The following PTPN12 variants were observed in gnomAD, a reference collection of about 807,000 sequenced individuals.
PTPN12 encodes tyrosine-protein phosphatase non-receptor type 12.
PTPN12 carries 29 observed loss-of-function variants against 97.6 expected under a neutral mutation model. The observed-to-expected ratio is 0.30, with a 90% confidence interval of 0.22 to 0.41. The LOEUF is 0.41. Among genes scored for constraint, PTPN12 ranks in the 10% least tolerant of loss-of-function variants. The pLI is 1.00. For synonymous variants in PTPN12, 327 were observed against 300.4 expected (o/e 1.09, Z -0.91); for missense variants, 819 against 926.0 (o/e 0.88, Z 1.50).
At position 77,598,502 on chromosome 7, in the gene PTPN12, C is replaced by T. The variant is rs191065139; in HGVS notation, c.552+601C>T. ...TTCAAGACCAGCCTGGCCAACACGG[C>T]GAAGCCCCATCTCTACTAAAAAATA... On this transcript the variant is annotated intron_variant, in intron 7 of 17. Transcript: ENST00000248594. 6.2e-3 allele frequency among the ~76,000 whole-genome samples: 938 copies of T among 152,006 alleles called. 5 individuals are homozygous for T. The highest frequency in any genetic ancestry group is 0.037 in the Middle Eastern group (11 of 294).
intron 4 of PTPN12, 63 bp from the exon 5 acceptor site, chr7:77,585,480 T>G: frequency 1.4e-6 from 2 of 1,441,948 alleles, no homozygotes; most frequent in South Asian, 1.2e-5. Context: ...TGTATTTTAT[T>G]AAAAAGTAAA....
At chr7:77,632,474 C>G in intron 14 of PTPN12, 49 bp downstream of exon 14, 1 of 1,364,736 alleles carries the variant, frequency 7.3e-7, no homozygotes, top group Non-Finnish European at 1.0e-6. Flanking sequence ...TAATAATAAA[C>G]TCCGAAAAAC....
At chr7:77,545,791 T>A (rs1273032465) in intron 1 of PTPN12, 1 of 152,170 alleles carries the variant, frequency 6.6e-6, no homozygotes, top group African/African-American at 2.4e-5. Flanking sequence ...TAAACTTCTA[T>A]ACTCTGGTAT....
At chr7:77,544,292 A>T (rs1807121297) in intron 1 of PTPN12, among the ~76,000 whole-genome samples, 1 of 152,120 alleles carries the variant, frequency 6.6e-6, no homozygotes, top group South Asian at 2.1e-4. Flanking sequence ...GATAGGAAAT[A>T]TTTTCCAGTC....
intron 14 of PTPN12, among the ~76,000 whole-genome samples, chr7:77,635,365 G>A (rs1001096886): frequency 2.6e-5 from 4 of 152,266 alleles, no homozygotes; most frequent in African/African-American, 9.6e-5. Flanking sequence ...GGAGGTTGAG[G>A]CTCCAGTGAG....
intron 11 of PTPN12, among the ~76,000 whole-genome samples, chr7:77,613,167 G>GTTTTTTT (rs576216122): frequency 2.4e-4 from 21 of 88,564 alleles, no homozygotes; most frequent in African/African-American, 3.0e-4. Flanking sequence ...TAATTTTTGG[G>GTTTTTTT]TTTTTTTTTT....
intron 1 of PTPN12, among the ~76,000 whole-genome samples, chr7:77,559,695 A>G (rs1037820606): frequency 6.6e-6 from 1 of 152,242 alleles, no homozygotes; most frequent in Non-Finnish European, 1.5e-5. Context: ...ACATAAACTT[A>G]CTGAACTAAA....
intron 11 of PTPN12, among the ~76,000 whole-genome samples, chr7:77,616,814 G>A (rs755531719): frequency 2.6e-5 from 4 of 151,794 alleles, no homozygotes; most frequent in Non-Finnish European, 1.5e-5. Flanking sequence ...ACGGAGTCTT[G>A]CTCTGTCGCC....
intron 4 of PTPN12, chr7:77,585,312 A>T (rs961811576): frequency 4.9e-5 from 19 of 385,558 alleles, no homozygotes; most frequent in African/African-American, 3.5e-4. Flanking sequence ...TCAAACCAAA[A>T]ACATCATGTT....
In PTPN12 at chr7:77,627,000, G is replaced by A. The variant is rs1451668241; in HGVS notation, c.1321G>A (p.Val441Ile). The A allele has an allele frequency of 6.2e-7, 1 of 1,609,374 alleles. No homozygotes were observed. Among genetic ancestry groups the A allele is most frequent in the East Asian group, 2.2e-5 (1 of 44,858 alleles). ...AAATTTAAGTTTTGAGATTAAGAAG[G>A]TCCCTCTCCAAGAGGGACCAAAAAG... ...ERNLSFEIKK[V>I]PLQEGPKSFD... is the part of the protein sequence containing the mutation. Residue 441 changes from valine to isoleucine, a missense_variant, in exon 13 of 18, where the codon GTC becomes ATC. By Grantham distance (29) the Val-to-Ile change is conservative. Coordinates refer to ENST00000248594, the MANE Select transcript of PTPN12 (RefSeq NM_002835.4).
chr7:77,621,197 A>G (rs529882013), intron 12 of PTPN12, among the ~76,000 whole-genome samples: 2 of 152,206 alleles, frequency 1.3e-5, no homozygotes, highest in East Asian at 1.9e-4. Context: ...AGGATCATCA[A>G]TATCACTGCC....
intron 8 of PTPN12, among the ~76,000 whole-genome samples, chr7:77,604,250 C>G (rs1192530232): frequency 9.8e-6 from 1 of 102,210 alleles, no homozygotes; most frequent in Non-Finnish European, 1.8e-5. Context: ...GAGTCTTGGG[C>G]TGTCGCCTGG....
At chr7:77,610,054 T>C (rs2151375747) in intron 9 of PTPN12, among the ~76,000 whole-genome samples, 1 of 152,368 alleles carries the variant, frequency 6.6e-6, no homozygotes, top group East Asian at 1.9e-4. Flanking sequence ...TTCTCACTCT[T>C]TCAGACTGTC....
At chr7:77,594,715 G>C (rs995374490) in intron 6 of PTPN12, among the ~76,000 whole-genome samples, 1 of 152,092 alleles carries the variant, frequency 6.6e-6, no homozygotes, top group Non-Finnish European at 1.5e-5. Flanking sequence ...TGTTGCCCAG[G>C]CTGATTTTAA....
intron 9 of PTPN12, 118 bp downstream of exon 9, chr7:77,607,419 A>T (rs1788410199): frequency 1.3e-6 from 1 of 749,694 alleles, no homozygotes; most frequent in Non-Finnish European, 2.1e-6. Context: ...TTTCCAAAGT[A>T]GTTTTATTAA....
intron 1 of PTPN12, among the ~76,000 whole-genome samples, chr7:77,552,521 T>C (rs1584097285): frequency 6.6e-6 from 1 of 152,194 alleles, no homozygotes; most frequent in African/African-American, 2.4e-5. Context: ...TTTTTTAAAA[T>C]AGGATGTAGG....
intron 16 of PTPN12, among the ~76,000 whole-genome samples, chr7:77,637,667 A>G (rs1326718397): frequency 1.3e-5 from 2 of 151,746 alleles, no homozygotes; most frequent in African/African-American, 4.8e-5. Flanking sequence ...ACCAGCCTTG[A>G]GCAACATGGT....
At position 77,537,358 on chromosome 7, in the gene PTPN12, C is replaced by A; in HGVS notation, c.-189C>A. 1 of 619,750 alleles carries A rather than the reference C, an allele frequency of 1.6e-6. No individual in the cohort carries two copies. The highest frequency in any genetic ancestry group is 4.7e-5 in the East Asian group (1 of 21,110). 38.4% of individuals were successfully genotyped at this position (619,750 alleles called of 1,614,324 possible). ...CGGCTGCTCCTGGAAGTTGTGGTGT[C>A]GGGAGCCCAGCCGGTGCCGCCGCAG... is the stretch of plus-strand genomic sequence containing the variant. On this transcript the variant is annotated 5_prime_UTR_variant, in exon 1 of 18. Transcript: ENST00000248594.
intron 8 of PTPN12, 23 bp from the exon 9 acceptor site, chr7:77,607,212 T>C: frequency 6.5e-7 from 1 of 1,541,802 alleles, no homozygotes; most frequent in Non-Finnish European, 8.8e-7. Flanking sequence ...AAATCAATTG[T>C]TTTTCAAACT....
Sources: allele counts gnomAD v4.1 joint callset (sites outside exome capture counted in the v4.1 genomes callset), GRCh38; gene constraint gnomAD v4.1.1; transcripts MANE v1.5; gene names NCBI Gene and HGNC (gene_info 2026-07-23, HGNC 2026-07-21).